QTMAN: variants seen among roughly 807,000 people sequenced by gnomAD.
QTMAN encodes the protein queuosine-tRNA mannosyltransferase, also known as tRNA-queuosine alpha-mannosyltransferase.
the QTMAN span, among the ~76,000 whole-genome samples, chr2:144,068,936 C>T: frequency 6.6e-6 from 1 of 152,090 alleles, no homozygotes; most frequent in African/African-American, 2.4e-5. Context: ...ATATTATCGC[C>T]CTTTATCATT....
At chr2:144,103,935 A>G in the QTMAN span, among the ~76,000 whole-genome samples, 1 of 151,998 alleles carries the variant, frequency 6.6e-6, no homozygotes, top group South Asian at 2.1e-4. Flanking sequence ...ACTAAAAATT[A>G]AAAAATTAGC....
the QTMAN span, among the ~76,000 whole-genome samples, chr2:143,967,087 A>C: frequency 2.6e-5 from 4 of 152,222 alleles, no homozygotes; most frequent in Non-Finnish European, 5.9e-5. Context: ...AATCAAAGTG[A>C]CTTAAGCTTT....
chr2:144,100,468 T>C, the QTMAN span, among the ~76,000 whole-genome samples: 2 of 152,228 alleles, frequency 1.3e-5, no homozygotes, highest in East Asian at 1.9e-4. Context: ...TTGTAAGTCA[T>C]ATACATCACC....
the QTMAN span, among the ~76,000 whole-genome samples, chr2:143,986,795 T>C: frequency 6.6e-6 from 1 of 152,248 alleles, no homozygotes; most frequent in Non-Finnish European, 1.5e-5. Context: ...AATATACACA[T>C]GTATGTGTGT....
At chr2:144,007,538 G>T in the QTMAN span, 1 of 1,522,138 alleles carries the variant, frequency 6.6e-7, no homozygotes, top group Admixed American at 2.2e-5. Flanking sequence ...GCATGAATCT[G>T]TTACAAAAAA....
the QTMAN span, chr2:144,177,171 G>A: frequency 1.4e-6 from 1 of 702,162 alleles, no homozygotes; most frequent in Admixed American, 2.0e-5. Context: ...CATGAGATTT[G>A]GGCAAGGCAT....
the QTMAN span, among the ~76,000 whole-genome samples, chr2:143,955,236 C>A: frequency 6.6e-6 from 1 of 152,144 alleles, no homozygotes; most frequent in South Asian, 2.1e-4. Flanking sequence ...TAAAAAGTTA[C>A]AATTATAAGT....
the QTMAN span, among the ~76,000 whole-genome samples, chr2:144,059,585 T>G: frequency 2.6e-5 from 4 of 152,320 alleles, no homozygotes; most frequent in Non-Finnish European, 5.9e-5. Context: ...TGGTATAGAC[T>G]ACTGCCAGAG....
At chr2:144,007,146 C>T in the QTMAN span, 1 of 1,226,786 alleles carries the variant, frequency 8.2e-7, no homozygotes, top group Non-Finnish European at 1.2e-6. Context: ...TTTACCAGTT[C>T]TACAACTCTT....
At chr2:144,022,425 G>T in the QTMAN span, among the ~76,000 whole-genome samples, 2 of 151,888 alleles carry the variant, frequency 1.3e-5, no homozygotes, top group African/African-American at 4.8e-5. Context: ...AAGTAGCTGG[G>T]ACTGCAGATT....
chr2:144,020,358 A>C, the QTMAN span, among the ~76,000 whole-genome samples: 2 of 152,330 alleles, frequency 1.3e-5, no homozygotes, highest in African/African-American at 2.4e-5. Flanking sequence ...ATATTGAAAG[A>C]AGCACATCAG....
the QTMAN span, among the ~76,000 whole-genome samples, chr2:144,125,493 T>A: frequency 6.6e-6 from 1 of 152,048 alleles, no homozygotes; most frequent in Non-Finnish European, 1.5e-5. Flanking sequence ...CTTCGTACCC[T>A]AACCTGCTGT....
chr2:144,301,220 T>TTTTG, the QTMAN span, among the ~76,000 whole-genome samples: 6 of 152,144 alleles, frequency 3.9e-5, no homozygotes, highest in Non-Finnish European at 5.9e-5. Flanking sequence ...TGTCTTGTTT[T>TTTTG]TTTGTTTGTT....
At chr2:144,283,651 T>C in the QTMAN span, among the ~76,000 whole-genome samples, 1 of 152,198 alleles carries the variant, frequency 6.6e-6, no homozygotes, top group Admixed American at 6.5e-5. Context: ...ATTCTATTTA[T>C]GAAAAAGTCC....
chr2:144,166,084 C>G, the QTMAN span, among the ~76,000 whole-genome samples: 1 of 152,062 alleles, frequency 6.6e-6, no homozygotes, highest in Non-Finnish European at 1.5e-5. Context: ...TGGTCTCCAC[C>G]CAGCTCTACA....
At chr2:144,084,784 A>G in the QTMAN span, among the ~76,000 whole-genome samples, 1 of 149,594 alleles carries the variant, frequency 6.7e-6, no homozygotes, top group Non-Finnish European at 1.5e-5. Flanking sequence ...TAGATGGGAC[A>G]TAAGGCTAGT....
At chr2:144,110,158 T>C in the QTMAN span, among the ~76,000 whole-genome samples, 2 of 152,140 alleles carry the variant, frequency 1.3e-5, no homozygotes, top group Admixed American at 1.3e-4. Flanking sequence ...CCAACAATGA[T>C]AGACTGGATT....
the QTMAN span, chr2:143,951,126 T>C: frequency 4.1e-4 from 62 of 152,144 alleles, no homozygotes; most frequent in African/African-American, 1.4e-3. Context: ...TAGAAGGTTA[T>C]ATATTAACAT....
chr2:143,957,762 C>T, the QTMAN span, among the ~76,000 whole-genome samples: 2 of 152,076 alleles, frequency 1.3e-5, no homozygotes, highest in African/African-American at 4.8e-5. Context: ...GGACTGCATT[C>T]GGAAAAATTA....
Sources: gnomAD v4.1 joint callset for allele counts (sites outside exome capture counted in the v4.1 genomes callset) on GRCh38, gnomAD v4.1.1 for gene constraint, MANE v1.5 for transcripts, NCBI Gene and HGNC (gene_info 2026-07-23, HGNC 2026-07-21) for gene names.